The following MUC5AC variants were observed in gnomAD, a reference collection of about 807,000 sequenced individuals.
MUC5AC encodes the protein mucin 5AC, oligomeric mucus/gel-forming, also known as mucin-5AC.
MUC5AC carries 158 observed loss-of-function variants against 169.7 expected under a neutral mutation model. The observed-to-expected ratio is 0.93, with a 90% CI of 0.82 to 1.06. The LOEUF is 1.06. Ranked by LOEUF, MUC5AC falls within the 50% of genes least tolerant of loss-of-function variation. The pLI, the probability that MUC5AC is intolerant of heterozygous loss-of-function variation, is 0.00. For missense variants in MUC5AC, 4,359 were observed against 3,089.9 expected, an observed-to-expected ratio of 1.41 and a Z score of -9.74; for synonymous variants, 1,975 against 1,237.0, an observed-to-expected ratio of 1.60 and a Z score of -12.52.
intron 15 of MUC5AC, among the ~76,000 whole-genome samples, chr11:1,170,172 C>T (rs1860461989): frequency 1.5e-5 from 1 of 64,956 alleles, no homozygotes; most frequent in Non-Finnish European, 3.0e-5. Context: ...CTCACTCACC[C>T]ACTCACCCAT....
chr11:1,175,923 GCACA>G (rs1214413446), intron 19 of MUC5AC, among the ~76,000 whole-genome samples: 1 of 125,390 alleles, frequency 8.0e-6, no homozygotes, highest in African/African-American at 3.1e-5. Context: ...ACCCACTCAT[GCACA>G]CACACTCATA....
At chr11:1,177,682 G>A in intron 24 of MUC5AC, 49 bp downstream of exon 24, 1 of 398,650 alleles carries the variant, frequency 2.5e-6, no homozygotes, top group Non-Finnish European at 4.4e-6. Flanking sequence ...AAACCTGGAG[G>A]TGGGGAGCGT....
rs1860955487 is a variant in MUC5AC at position 1,186,691 on chromosome 11, C to A, written c.8546C>A (p.Thr2849Lys). The part of the protein sequence containing the change: ...VPTTSTTSAP[T>K]TSTTSAPTTR... The stretch of plus-strand genomic sequence containing the variant: ...ACCACCAGCACAACCTCTGCCCCTA[C>A]AACCAGCACAACCTCTGCCCCTACA... The change falls in exon 31 of 49, where the codon ACA (threonine) becomes AAA (lysine). Residue 2849 changes from threonine (T) to lysine (K), a missense_variant. Coordinates refer to ENST00000621226, the MANE Select transcript of MUC5AC (RefSeq NM_001304359.2). 1.4e-6 allele frequency: 1 copy of A among 734,868 alleles called. No homozygotes were observed. The highest frequency in any genetic ancestry group is 2.5e-6 in the Non-Finnish European group (1 of 402,824). 45.5% of individuals were successfully genotyped at this position (734,868 alleles called of 1,614,324 possible).
Position 1,194,371 on chromosome 11 carries a change from G to C in MUC5AC, c.15006+11G>C, listed in dbSNP as rs761655025. Reference sequence around the variant, plus strand: ...GTGATGACAAACGAGGTGGGGGCGCGCCCGGTGTGCCGCGGAGGGGGTGGG... The same window carrying C: ...GTGATGACAAACGAGGTGGGGGCGCCCCCGGTGTGCCGCGGAGGGGGTGGG... On this transcript the variant is annotated intron_variant, in intron 34 of 48. Transcript: ENST00000621226. 1.4e-5 allele frequency: 10 copies of C among 716,022 alleles called. No homozygotes were observed. The highest frequency in any genetic ancestry group is 2.6e-5 in the Non-Finnish European group (10 of 391,850). 44.4% of individuals were successfully genotyped at this position (716,022 alleles called of 1,614,324 possible).
At chr11:1,168,011 AC>A in intron 12 of MUC5AC, 24 bp downstream of exon 12, 1 of 1,539,784 alleles carries the variant, frequency 6.5e-7, no homozygotes, top group South Asian at 1.2e-5. Flanking sequence ...GGCAGGGCAA[AC>A]CCCGGGAAGA....
intron 40 of MUC5AC, among the ~76,000 whole-genome samples, 173 bp downstream of exon 40, chr11:1,197,081 C>T (rs984560601): frequency 1.3e-5 from 2 of 152,192 alleles, no homozygotes; most frequent in Non-Finnish European, 2.9e-5. Context: ...CAGAAAGACT[C>T]GGGATCTCCC....
At chr11:1,179,502 G>C (rs1860762511) in intron 26 of MUC5AC, among the ~76,000 whole-genome samples, 1 of 151,438 alleles carries the variant, frequency 6.6e-6, no homozygotes, top group Non-Finnish European at 1.5e-5. Context: ...TCGCTGGCAT[G>C]GTAGAACATT....
rs767129414 is a variant in MUC5AC at position 1,194,689 on chromosome 11, C to T, written c.15190+19C>T. 31 of 731,918 alleles carry T rather than the reference C, an allele frequency of 4.2e-5. No homozygotes were observed. Among genetic ancestry groups the T allele is most frequent in the Admixed American group, 2.0e-4 (11 of 54,496 alleles). 45.3% of individuals were successfully genotyped at this position (731,918 alleles called of 1,614,324 possible). On this transcript the variant is annotated intron_variant, in intron 35 of 48. Transcript: ENST00000621226. ...CAGTGCGGTGAGGCCACAGGGCTCCCGGGCATCGTCTGGCATTCGCGGGGG... is the reference window on the plus strand; with the variant it reads ...CAGTGCGGTGAGGCCACAGGGCTCCTGGGCATCGTCTGGCATTCGCGGGGG...
chr11:1,194,313 C>T lies in MUC5AC; in HGVS notation c.14959C>T (p.Arg4987Cys), dbSNP rs781049302. Reference sequence around the variant, plus strand: ...CATCATCCTGGAGTACCACCAGGACCGCGTGGTGCTGACCCGCAAGCCAGT... The same window carrying T: ...CATCATCCTGGAGTACCACCAGGACTGCGTGGTGCTGACCCGCAAGCCAGT... The part of the protein sequence containing the change: ...RSIILEYHQD[R>C]VVLTRKPVHG... Residue 4987 changes from arginine to cysteine, a missense_variant, in exon 34 of 49, where the codon CGC (arginine) becomes TGC (cysteine). By Grantham distance (180) the Arg-to-Cys change is radical (BLOSUM62 -3). Coordinates refer to ENST00000621226, the MANE Select transcript of MUC5AC (RefSeq NM_001304359.2). 3.2e-5 allele frequency: 24 copies of T among 741,824 alleles called. No homozygotes were observed. Among genetic ancestry groups the T allele is most frequent in the African/African-American group, 8.6e-5 (5 of 58,442 alleles). The allele number at this position is 741,824 out of a possible 1,614,324, so 46.0% of individuals were successfully genotyped here.
In MUC5AC at chr11:1,193,670, C is replaced by T. The variant is rs780022988; in HGVS notation, c.14755+11C>T. On this transcript the variant is annotated intron_variant, in intron 33 of 48. Transcript: ENST00000621226. Reference sequence around the variant, plus strand: ...ACTACCAGTGCCAGTGTGAGTGGAGCGCCGAGCGGGACCCAGGGCAGCCGG... The same window carrying T: ...ACTACCAGTGCCAGTGTGAGTGGAGTGCCGAGCGGGACCCAGGGCAGCCGG... The T allele has an allele frequency of 3.5e-5, 27 of 763,686 alleles. No homozygotes were observed. The highest frequency in any genetic ancestry group is 7.3e-5 in the East Asian group (3 of 41,202). The allele number at this position is 763,686 out of a possible 1,614,324, so 47.3% of individuals were successfully genotyped here. A position where few individuals can be genotyped will look rare whatever the true frequency, so the allele number is the denominator to read the frequency against.
chr11:1,165,799 G>A, intron 11 of MUC5AC, 39 bp downstream of exon 11: 8 of 1,607,970 alleles, frequency 5.0e-6, no homozygotes, highest in Middle Eastern at 1.7e-4. Context: ...CGGACAGAGG[G>A]GGCCCATGGC....
In MUC5AC at chr11:1,169,042, G is replaced by A. The variant is rs941630529; in HGVS notation, c.1870+16G>A. 1.9e-6 allele frequency: 3 copies of A among 1,547,908 alleles called. No individual in the cohort carries two copies. Among genetic ancestry groups the A allele is most frequent in the Admixed American group, 1.9e-5 (1 of 51,714 alleles). On this transcript the variant is annotated intron_variant, in intron 15 of 48. Transcript: ENST00000621226. Reference sequence around the variant, plus strand: ...GTGGAGAATGGTACGGGTGTCCACGGCTCGCCTCTGTGCTGGCCGCCTGGC... The same window carrying A: ...GTGGAGAATGGTACGGGTGTCCACGACTCGCCTCTGTGCTGGCCGCCTGGC...
At chr11:1,193,372 C>T (rs544146702) in intron 32 of MUC5AC, 113 bp from the exon 33 acceptor site, 2 of 620,190 alleles carry the variant, frequency 3.2e-6, no homozygotes, top group Non-Finnish European at 2.9e-6. Context: ...AACTGGGGCA[C>T]AGCCACCCTC....
At chr11:1,159,406 T>G (rs1860056919) in intron 1 of MUC5AC, among the ~76,000 whole-genome samples, 1 of 128,834 alleles carries the variant, frequency 7.8e-6, no homozygotes, top group Non-Finnish European at 1.6e-5. Context: ...CCCACGATGA[T>G]GGTGCTGGGC....
rs1860983519 is a variant in MUC5AC, at chr11:1,187,546, C to T, written c.9401C>T (p.Ser3134Phe). Residue 3134 changes from serine (S) to phenylalanine (F), a missense_variant, in exon 31 of 49, where the codon TCT becomes TTT. Ser to Phe is a radical substitution (Grantham distance 155, BLOSUM62 -2). Coordinates refer to ENST00000621226, the MANE Select transcript of MUC5AC (RefSeq NM_001304359.2). ...CCTATTCCTACCACCAGCACAACCT[C>T]TCCTCCTACAACCAGCACAACTTCT... is the stretch of plus-strand genomic sequence containing the variant. ...PSPIPTTSTT[S>F]PPTTSTTSAS... is the part of the protein sequence containing the mutation. 5 of 752,136 alleles carry T rather than the reference C, an allele frequency of 6.6e-6. No homozygotes were observed. Among genetic ancestry groups the T allele is most frequent in the Admixed American group, 1.8e-5 (1 of 56,540 alleles). 46.6% of individuals were successfully genotyped at this position (752,136 alleles called of 1,614,324 possible).
In MUC5AC at chr11:1,160,694, G is replaced by A; in HGVS notation, c.151+5G>A. ...CTATCGCCCGGGGGCCCAGCGGTGA[G>A]TCTGAGTGTCCGGCCCCCACCCTAA... On this transcript the variant is annotated splice_donor_5th_base_variant and intron_variant, in intron 2 of 48. Transcript: ENST00000621226. The A allele has an allele frequency of 6.2e-7, 1 of 1,608,086 alleles. No homozygotes were observed. Among genetic ancestry groups the A allele is most frequent in the Non-Finnish European group, 8.5e-7 (1 of 1,178,786 alleles).
intron 15 of MUC5AC, among the ~76,000 whole-genome samples, chr11:1,169,554 C>T (rs1210271109): frequency 7.2e-6 from 1 of 138,750 alleles, no homozygotes; most frequent in Non-Finnish European, 1.6e-5. Flanking sequence ...CCTCACTCGC[C>T]GACTCAACCA....
chr11:1,190,016 C>A lies in MUC5AC; in HGVS notation c.11871C>A (p.Cys3957Ter). Residue 3957 changes from cysteine (C) to a stop codon, truncating the protein, a stop_gained, in exon 31 of 49, where the codon TGC becomes TGA. Transcript: ENST00000621226. LOFTEE classifies it high-confidence loss of function. ...QPVTRDCHPRCTWTKWFDVDF... is the reference protein window; with the variant it reads ...QPVTRDCHPR ...TCACCAGAGACTGTCATCCCCGGTG[C>A]ACCTGGACCAAGTGGTTTGACGTGG... The A allele has an allele frequency of 1.3e-6, 1 of 765,160 alleles. No homozygotes were observed. The highest frequency in any genetic ancestry group is 2.4e-6 in the Non-Finnish European group (1 of 417,878). The allele number at this position is 765,160 out of a possible 1,614,324, so 47.4% of individuals were successfully genotyped here. A position where few individuals can be genotyped will look rare whatever the true frequency, so the allele number is the denominator to read the frequency against.
intron 11 of MUC5AC, among the ~76,000 whole-genome samples, chr11:1,167,104 A>G (rs1226262346): frequency 5.1e-5 from 6 of 117,292 alleles, no homozygotes; most frequent in Admixed American, 1.6e-4. Context: ...CCCTGCACCC[A>G]ACACACAGTC....
Sources: gnomAD v4.1 joint callset for allele counts (sites outside exome capture counted in the v4.1 genomes callset) on GRCh38, gnomAD v4.1.1 for gene constraint, MANE v1.5 for transcripts, NCBI Gene and HGNC (gene_info 2026-07-23, HGNC 2026-07-21) for gene names.